EPB41L2: variants seen among roughly 807,000 people sequenced by gnomAD.
EPB41L2 encodes the protein erythrocyte membrane protein band 4.1 like 2.
EPB41L2 carries 43 observed loss-of-function variants against 113.0 expected under a neutral mutation model. The observed-to-expected ratio is 0.38, with a 90% confidence interval of 0.30 to 0.49. The LOEUF (loss-of-function observed/expected upper bound fraction) is 0.49, where lower values mean the gene tolerates loss of function less well. Among genes scored for constraint, EPB41L2 ranks in the 20% least tolerant of loss-of-function variants. The probability of loss-of-function intolerance (pLI) is 0.95; values close to 1 mark genes in which losing one functional copy is unlikely to be tolerated. For missense variants in EPB41L2, 1,147 were observed against 1,223.4 expected, an observed-to-expected ratio of 0.94 and a Z score of 0.93; for synonymous variants, 442 against 436.7, an observed-to-expected ratio of 1.01 and a Z score of -0.15.
chr6:130,958,468 CAAAAA>C (rs200548809), intron 1 of EPB41L2, among the ~76,000 whole-genome samples: 2 of 113,876 alleles, frequency 1.8e-5, no homozygotes, highest in Admixed American at 9.2e-5. Context: ...ACAACAACAA[CAAAAA>C]AAAAAAAAAA....
intron 1 of EPB41L2, among the ~76,000 whole-genome samples, chr6:131,046,886 G>A (rs1217342233): frequency 6.6e-6 from 1 of 152,194 alleles, no homozygotes; most frequent in African/African-American, 2.4e-5. Flanking sequence ...ATGCAATAGT[G>A]TAGTATTGGC....
At chr6:130,859,373 TG>T (rs1337335199) in intron 18 of EPB41L2, among the ~76,000 whole-genome samples, 2 of 151,946 alleles carry the variant, frequency 1.3e-5, no homozygotes, top group Non-Finnish European at 2.9e-5. Context: ...ACACCAGGCT[TG>T]GCTGGCGCAC....
intron 3 of EPB41L2, among the ~76,000 whole-genome samples, chr6:130,946,106 C>T (rs1812714021): frequency 6.6e-6 from 1 of 152,098 alleles, no homozygotes; most frequent in East Asian, 1.9e-4. Flanking sequence ...TTTGAGATCT[C>T]AGTTGACTAT....
chr6:130,876,886 G>T, intron 14 of EPB41L2: 1 of 415,068 alleles, frequency 2.4e-6, no homozygotes, highest in Non-Finnish European at 3.9e-6. Context: ...CACACCAGGA[G>T]AAGTGGCACA....
intron 1 of EPB41L2, among the ~76,000 whole-genome samples, chr6:131,027,216 T>C (rs1791072510): frequency 6.6e-6 from 1 of 152,210 alleles, no homozygotes. Flanking sequence ...GGTTTGGAGT[T>C]ATTGGTTTTT....
intron 8 of EPB41L2, 111 bp from the exon 9 acceptor site, chr6:130,895,230 G>T: frequency 7.9e-7 from 1 of 1,272,932 alleles, no homozygotes; most frequent in Non-Finnish European, 1.1e-6. Context: ...TAACAGGTTT[G>T]TATTTAAAGT....
chr6:130,880,181 T>C lies in EPB41L2; in HGVS notation c.1859A>G (p.Asp620Gly). 1 of 1,610,234 alleles carries C rather than the reference T, an allele frequency of 6.2e-7. No homozygotes were observed. Among genetic ancestry groups the C allele is most frequent in the Non-Finnish European group, 8.5e-7 (1 of 1,176,632 alleles). ...GKKNSLRVEG[D>G]NIYVRHSNLM... Reference sequence around the variant, plus strand: ...ATTGCTATGTCTGACATAAATATTATCCCCTTCTACTCTCAAGGAATTTTT... The same window carrying C: ...ATTGCTATGTCTGACATAAATATTACCCCCTTCTACTCTCAAGGAATTTTT... Residue 620 changes from aspartate (D) to glycine (G), a missense_variant, in exon 13 of 20, where the codon GAT (aspartate) becomes GGT (glycine). By Grantham distance (94) the Asp-to-Gly change is moderately conservative. Coordinates refer to ENST00000337057, the MANE Select transcript of EPB41L2 (RefSeq NM_001431.4).
At chr6:130,994,880 C>CA (rs1782708501) in intron 1 of EPB41L2, among the ~76,000 whole-genome samples, 1 of 152,128 alleles carries the variant, frequency 6.6e-6, no homozygotes, top group Non-Finnish European at 1.5e-5. Context: ...ATCAGAAACT[C>CA]AAAAGAATGC....
Position 131,032,648 on chromosome 6 carries a change from C to A in EPB41L2, c.-15+30507G>T, listed in dbSNP as rs549410761. ...CAGAAAAAAATTCTGTTTACTACAGCTCTTAATCTCTCAAGTCACAAAAGA... is the reference window on the plus strand; with the variant it reads ...CAGAAAAAAATTCTGTTTACTACAGATCTTAATCTCTCAAGTCACAAAAGA... On this transcript the variant is annotated intron_variant, in intron 1 of 19. Coordinates refer to ENST00000337057, the MANE Select transcript of EPB41L2 (RefSeq NM_001431.4). Among the ~76,000 whole-genome samples the A allele has an allele frequency of 3.9e-5, 6 of 152,224 alleles. No homozygotes were observed. The East Asian group carries it at 1.2e-3, about 29-fold the overall frequency.
chr6:130,912,051 A>C (rs571737428), intron 4 of EPB41L2, among the ~76,000 whole-genome samples: 1 of 152,234 alleles, frequency 6.6e-6, no homozygotes, highest in Non-Finnish European at 1.5e-5. Context: ...GAGGAGCACA[A>C]ACCCTATTGT....
chr6:130,948,832 T>C (rs1368742725), intron 3 of EPB41L2, among the ~76,000 whole-genome samples: 1 of 152,206 alleles, frequency 6.6e-6, no homozygotes, highest in African/African-American at 2.4e-5. Context: ...TATCCACGAA[T>C]ATATAATTCT....
At chr6:130,866,144 C>T (rs1347945216) in intron 16 of EPB41L2, among the ~76,000 whole-genome samples, 2 of 152,176 alleles carry the variant, frequency 1.3e-5, no homozygotes, top group Admixed American at 1.3e-4. Flanking sequence ...CTACATTGTT[C>T]CTGTAATAGT....
chr6:130,846,568 C>T lies in EPB41L2; in HGVS notation c.*6-5970G>A, dbSNP rs528490119. Among the ~76,000 whole-genome samples the T allele has an allele frequency of 6.6e-4, 100 of 152,330 alleles. 1 individual carries two copies. The highest frequency in any genetic ancestry group is 1.7e-3 in the South Asian group (8 of 4,830). The stretch of plus-strand genomic sequence containing the variant: ...TCTGCAGTCAAATGAAGCACAGTAT[C>T]TGTTCTACAAATAATTCAGCAAAAT... On this transcript the variant is annotated intron_variant, in intron 19 of 19. Transcript: ENST00000337057.
intron 3 of EPB41L2, among the ~76,000 whole-genome samples, chr6:130,949,198 GAACA>G (rs1055112762): frequency 6.6e-6 from 1 of 152,040 alleles, no homozygotes; most frequent in Non-Finnish European, 1.5e-5. Context: ...CTGGAAATAT[GAACA>G]AACAAAAAAA....
chr6:130,937,276 C>G (rs562611594), intron 3 of EPB41L2, among the ~76,000 whole-genome samples: 5 of 152,136 alleles, frequency 3.3e-5, no homozygotes, highest in Non-Finnish European at 7.3e-5. Context: ...CCCTAAAAAC[C>G]CTAAAATTTT....
chr6:130,923,038 AC>A (rs1288531967), intron 4 of EPB41L2, among the ~76,000 whole-genome samples: 1 of 151,590 alleles, frequency 6.6e-6, no homozygotes, highest in Non-Finnish European at 1.5e-5. Context: ...TCCCCTACCA[AC>A]CCCCCAGTCG....
chr6:130,896,272 C>T (rs944808816), intron 8 of EPB41L2, among the ~76,000 whole-genome samples: 12 of 152,132 alleles, frequency 7.9e-5, no homozygotes, highest in African/African-American at 1.4e-4. Context: ...TACATTAGAC[C>T]AACTTGAGCC....
chr6:130,981,921 A>G (rs1486590279), intron 1 of EPB41L2, among the ~76,000 whole-genome samples: 1 of 152,144 alleles, frequency 6.6e-6, no homozygotes, highest in Non-Finnish European at 1.5e-5. Context: ...TTTTAAAATT[A>G]CTATTTATCA....
At chr6:131,024,531 C>T (rs1312502346) in intron 1 of EPB41L2, among the ~76,000 whole-genome samples, 1 of 152,164 alleles carries the variant, frequency 6.6e-6, no homozygotes, top group Non-Finnish European at 1.5e-5. Flanking sequence ...CCATATCAAC[C>T]ACAAGAGCTA....
Sources: gnomAD v4.1 joint callset for allele counts (sites outside exome capture counted in the v4.1 genomes callset) on GRCh38, gnomAD v4.1.1 for gene constraint, MANE v1.5 for transcripts, NCBI Gene and HGNC (gene_info 2026-07-23, HGNC 2026-07-21) for gene names.